Variants in ELMO2 observed in about 807,000 individuals in gnomAD.
The protein encoded by ELMO2 is engulfment and cell motility 2.
Under a neutral mutation model 96.2 loss-of-function variants are expected in ELMO2, and 37 were observed. That is an observed-to-expected ratio of 0.38 (90% CI 0.30 to 0.51). The LOEUF (loss-of-function observed/expected upper bound fraction) is 0.51. Ranked by LOEUF, ELMO2 falls within the 20% of genes least tolerant of loss-of-function variation. The pLI, the probability that ELMO2 is intolerant of heterozygous loss-of-function variation, is 0.88. For missense variants in ELMO2, 561 were observed against 912.6 expected, an observed-to-expected ratio of 0.61 and a Z score of 4.96; for synonymous variants, 315 against 329.4, an observed-to-expected ratio of 0.96 and a Z score of 0.47.
At chr20:46,373,253 C>T (rs963469506) in intron 16 of ELMO2, 146 bp downstream of exon 16, 2 of 1,079,746 alleles carry the variant, frequency 1.9e-6, no homozygotes, top group African/African-American at 1.6e-5. Flanking sequence ...GGGGCTGAGG[C>T]TCCCCAGTGC....
chr20:46,400,078 C>T (rs539498019), intron 1 of ELMO2, among the ~76,000 whole-genome samples: 1 of 152,292 alleles, frequency 6.6e-6, no homozygotes, highest in East Asian at 1.9e-4. Flanking sequence ...TTCGAGGCTG[C>T]AGTGAACTAT....
chr20:46,390,923 G>C (rs1347845283), intron 6 of ELMO2: 1 of 152,264 alleles, frequency 6.6e-6, no homozygotes, highest in Non-Finnish European at 1.5e-5. Context: ...TGCGCCACGG[G>C]AAAAGGTCAT....
At chr20:46,403,780 C>T (rs1010643781) in intron 1 of ELMO2, among the ~76,000 whole-genome samples, 1 of 152,188 alleles carries the variant, frequency 6.6e-6, no homozygotes, top group Non-Finnish European at 1.5e-5. Flanking sequence ...ACTCAGTGAG[C>T]AATTGCTGAA....
At chr20:46,406,202 C>A (rs1298518869) in intron 1 of ELMO2, among the ~76,000 whole-genome samples, 1 of 152,056 alleles carries the variant, frequency 6.6e-6, no homozygotes, top group Non-Finnish European at 1.5e-5. Context: ...CTCCTTGCCG[C>A]CCCTCCCCGA....
chr20:46,406,213 T>C (rs1389825269), intron 1 of ELMO2, among the ~76,000 whole-genome samples: 3 of 150,654 alleles, frequency 2.0e-5, no homozygotes, highest in African/African-American at 7.3e-5. Context: ...CCCTCCCCGA[T>C]CTTCCCACCC....
chr20:46,375,413 A>G lies in ELMO2; in HGVS notation c.931-43T>C. The G allele has an allele frequency of 6.2e-7, 1 of 1,606,290 alleles. No homozygotes were observed. The highest frequency in any genetic ancestry group is 1.1e-5 in the South Asian group (1 of 90,482). On this transcript the variant is annotated intron_variant, in intron 12 of 21. Coordinates refer to ENST00000290246, the MANE Select transcript of ELMO2 (RefSeq NM_133171.5). This position sits in a 1 kb window ranked among gnomAD's most constrained non-coding sequence, Gnocchi z 4.6. ...CAGTCAGCAGGTGAATCGGCTAACC[A>G]AGGGAGCAAGGAAAAGAAACAGTGG...
chr20:46,377,496 A>G (rs1298251114), intron 11 of ELMO2, among the ~76,000 whole-genome samples: 1 of 152,212 alleles, frequency 6.6e-6, no homozygotes, highest in Non-Finnish European at 1.5e-5. Flanking sequence ...CTCTAGATCT[A>G]CACTTCCTAA....
intron 10 of ELMO2, among the ~76,000 whole-genome samples, chr20:46,382,775 G>A (rs2059979689): frequency 1.3e-5 from 2 of 152,224 alleles, no homozygotes; most frequent in Non-Finnish European, 2.9e-5. Context: ...GGCAGATGTT[G>A]TTGCTCCCAT....
Position 46,393,089 on chromosome 20 carries a change from C to G in ELMO2, c.243+4G>C, listed in dbSNP as rs1247529086. 1 of 1,613,652 alleles carries G rather than the reference C, an allele frequency of 6.2e-7. No individual in the cohort carries two copies. Among genetic ancestry groups the G allele is most frequent in the Non-Finnish European group, 8.5e-7 (1 of 1,179,726 alleles). On this transcript the variant is annotated splice_donor_region_variant and intron_variant, in intron 6 of 21. Transcript: ENST00000290246. ...TAAACTCCTAAGGAAGAAAGAATAC[C>G]TACCGGGGAGATAGCCAGTTGTAAG...
chr20:46,369,398 C>T (rs1029373597), intron 20 of ELMO2: 11 of 160,138 alleles, frequency 6.9e-5, no homozygotes, highest in Non-Finnish European at 1.2e-4. Flanking sequence ...TTGCATGATA[C>T]CAAGGAACTA....
intron 7 of ELMO2, chr20:46,387,790 T>C (rs2060076125): frequency 5.3e-6 from 1 of 187,740 alleles, no homozygotes. Context: ...CCTAAGGAAG[T>C]GTAAGTGCCA....
chr20:46,375,875 A>C lies in ELMO2; in HGVS notation c.808-85T>G. Reference sequence around the variant, plus strand: ...CATCCATGCTAAGGAAAAGGAATGTATGTTGGGAAGGGAACAGAGCTTTCC... The same window carrying C: ...CATCCATGCTAAGGAAAAGGAATGTCTGTTGGGAAGGGAACAGAGCTTTCC... On this transcript the variant is annotated intron_variant, in intron 11 of 21. Coordinates refer to ENST00000290246, the MANE Select transcript of ELMO2 (RefSeq NM_133171.5). The surrounding 1 kb of genome is among the most constrained non-coding windows in gnomAD (Gnocchi z 4.6). The C allele has an allele frequency of 6.4e-7, 1 of 1,562,404 alleles. No individual in the cohort carries two copies. Among genetic ancestry groups the C allele is most frequent in the Non-Finnish European group, 8.7e-7 (1 of 1,145,332 alleles).
At chr20:46,384,551 CA>C (rs3092726) in intron 9 of ELMO2, among the ~76,000 whole-genome samples, 138,852 of 149,808 alleles carry the variant, frequency 0.93, 64,378 homozygotes, top group Middle Eastern at 0.94. Flanking sequence ...AATTCAGAGA[CA>C]AAAAAAAAAA....
intron 1 of ELMO2, among the ~76,000 whole-genome samples, chr20:46,403,158 C>T (rs2060363549): frequency 6.6e-6 from 1 of 152,192 alleles, no homozygotes; most frequent in Admixed American, 6.5e-5. Flanking sequence ...CACAGTAAGC[C>T]CTACCTGCTA....
intron 1 of ELMO2, among the ~76,000 whole-genome samples, chr20:46,406,043 G>T (rs1237051398): frequency 6.6e-6 from 1 of 152,184 alleles, no homozygotes; most frequent in African/African-American, 2.4e-5. Context: ...GCAGGAGGTG[G>T]AAAGTACATG....
Position 46,406,375 on chromosome 20 carries a change from C to T in ELMO2, c.-126+173G>A, listed in dbSNP as rs2060445779. Among the ~76,000 whole-genome samples, 4 of 152,178 alleles carry T rather than the reference C, an allele frequency of 2.6e-5. No homozygotes were observed. In the South Asian group the frequency reaches 8.3e-4, roughly 32 times the overall value. Reference sequence around the variant, plus strand: ...AGGCCCCGGCAGGGCCGCCACCCCTCGGGGGCCTGACGAGCCGGCGCGGTC... The same window carrying T: ...AGGCCCCGGCAGGGCCGCCACCCCTTGGGGGCCTGACGAGCCGGCGCGGTC... On this transcript the variant is annotated intron_variant, in intron 1 of 21. Transcript: ENST00000290246.
At chr20:46,373,282 T>C in intron 16 of ELMO2, 117 bp downstream of exon 16, 1 of 1,430,592 alleles carries the variant, frequency 7.0e-7, no homozygotes, top group Non-Finnish European at 9.5e-7. Context: ...TGTGACTCAG[T>C]TCTGCAGACC....
intron 20 of ELMO2, 136 bp from the exon 21 acceptor site, chr20:46,369,104 C>G: frequency 1.3e-6 from 1 of 794,918 alleles, no homozygotes; most frequent in Non-Finnish European, 2.1e-6. Flanking sequence ...TGCTCCTAGG[C>G]GGCCACAAGT....
At chr20:46,393,937 C>A in intron 4 of ELMO2, 112 bp downstream of exon 4, 1 of 1,406,542 alleles carries the variant, frequency 7.1e-7, no homozygotes. Flanking sequence ...CCAAGACCCC[C>A]ATGCTGAGGA....
Sources: gnomAD v4.1 joint callset for allele counts (sites outside exome capture counted in the v4.1 genomes callset) on GRCh38, gnomAD v4.1.1 for gene constraint, Gnocchi (gnomAD v3.1) non-coding constraint, MANE v1.5 for transcripts, NCBI Gene and HGNC (gene_info 2026-07-23, HGNC 2026-07-21) for gene names.